Variants in EPB41L2 observed in about 807,000 individuals in gnomAD.
EPB41L2 encodes band 4.1-like protein 2.
Under a neutral mutation model 113.0 loss-of-function variants are expected in EPB41L2, and 43 were observed. The ratio of observed to expected loss-of-function variants is 0.38; its 90% CI spans 0.30 to 0.49. EPB41L2 has a LOEUF of 0.49. Among genes scored for constraint, EPB41L2 ranks in the 20% least tolerant of loss-of-function variants. EPB41L2 has a pLI of 0.95. For synonymous variants in EPB41L2, 442 were observed against 436.7 expected (o/e 1.01, Z -0.15); for missense variants, 1,147 against 1,223.4 (o/e 0.94, Z 0.93).
Position 130,926,715 on chromosome 6 carries a change from GA to G in EPB41L2, c.706-7del. On this transcript the variant is annotated splice_region_variant and splice_polypyrimidine_tract_variant and intron_variant, in intron 3 of 19. Transcript: ENST00000337057. ...ACTTGTCCCTTGGCATGTTTCTGGA[GA>G]AAAAATAATAACTTTACTTTTCAAG... 3 of 1,574,972 alleles carry G rather than the reference GA, an allele frequency of 1.9e-6. No individual in the cohort carries two copies. The highest frequency in any genetic ancestry group is 2.6e-6 in the Non-Finnish European group (3 of 1,161,980).
At chr6:130,855,114 C>T (rs915480529) in intron 19 of EPB41L2, among the ~76,000 whole-genome samples, 2 of 151,790 alleles carry the variant, frequency 1.3e-5, no homozygotes, top group Non-Finnish European at 2.9e-5. Context: ...TTTGGGAAGC[C>T]GAGGCAGGCA....
chr6:130,979,894 A>G (rs935605729), intron 1 of EPB41L2, among the ~76,000 whole-genome samples: 4 of 152,208 alleles, frequency 2.6e-5, no homozygotes, highest in Non-Finnish European at 5.9e-5. Context: ...CAGCCAATCA[A>G]TGGTATCAGA....
At chr6:131,047,904 G>A (rs187883092) in intron 1 of EPB41L2, among the ~76,000 whole-genome samples, 155 of 152,214 alleles carry the variant, frequency 1.0e-3, no homozygotes, top group African/African-American at 3.6e-3. Context: ...CACTTGGGAG[G>A]CCAAGGCAGG....
intron 9 of EPB41L2, 63 bp from the exon 10 acceptor site, chr6:130,894,504 A>G: frequency 7.0e-7 from 1 of 1,420,186 alleles, no homozygotes; most frequent in Non-Finnish European, 1.0e-6. Flanking sequence ...AGTTACTGAA[A>G]AGCATGCATT....
chr6:130,962,956 G>A (rs1773982675), intron 1 of EPB41L2, among the ~76,000 whole-genome samples: 1 of 152,182 alleles, frequency 6.6e-6, no homozygotes, highest in Non-Finnish European at 1.5e-5. Flanking sequence ...AGAGCCAGAG[G>A]AAGAGGAGGC....
rs1443934598 is a variant in EPB41L2 at position 130,992,241 on chromosome 6, AAG to A, written c.-14-35744_-14-35743del. ...TTATGAAAAGATTCTGTTAAATATT[AAG>A]CAAAATGGTTCAGTATGAAAAATTT... On this transcript the variant is annotated intron_variant, in intron 1 of 19. Transcript: ENST00000337057. Among the ~76,000 whole-genome samples, 4 of 152,268 alleles carry A rather than the reference AAG, an allele frequency of 2.6e-5. No homozygotes were observed. The East Asian group carries it at 7.7e-4, about 29-fold the overall frequency.
rs1797674362 is a variant in EPB41L2, at chr6:130,906,200, GTAA to G, written c.854-1663_854-1661del. Reference sequence around the variant, plus strand: ...TAATGGCTCCTTGTTTGTTTTCTAGGTAATAACACTAGAACATGCTTGCCTGGA... The same window carrying G: ...TAATGGCTCCTTGTTTGTTTTCTAGGTAACACTAGAACATGCTTGCCTGGA... On this transcript the variant is annotated intron_variant, in intron 5 of 19. Transcript: ENST00000337057. 2.0e-5 allele frequency among the ~76,000 whole-genome samples: 3 copies of G among 152,070 alleles called. No homozygotes were observed. The South Asian group carries it at 6.2e-4, about 31-fold the overall frequency.
chr6:130,985,129 C>T (rs554880012), intron 1 of EPB41L2, among the ~76,000 whole-genome samples: 3 of 152,306 alleles, frequency 2.0e-5, no homozygotes, highest in African/African-American at 4.8e-5. Flanking sequence ...CTGAATGAAA[C>T]GCACAACCCA....
At chr6:131,026,248 T>C (rs1288666196) in intron 1 of EPB41L2, among the ~76,000 whole-genome samples, 1 of 152,206 alleles carries the variant, frequency 6.6e-6, no homozygotes, top group South Asian at 2.1e-4. Context: ...TAACAAGGAA[T>C]TGCTCATAAG....
rs545565578 is a variant in EPB41L2 at position 130,930,106 on chromosome 6, G to A, written c.706-3397C>T. On this transcript the variant is annotated intron_variant, in intron 3 of 19. Transcript: ENST00000337057. The stretch of plus-strand genomic sequence containing the variant: ...ATTCTCCTTGTTGCATATGATTACT[G>A]AGCACCAAAACACCTATTTGTATAA... Among the ~76,000 whole-genome samples, 739 of 152,144 alleles carry A rather than the reference G, an allele frequency of 4.9e-3. 7 individuals are homozygous for A. Among genetic ancestry groups the A allele is most frequent in the Non-Finnish European group, 7.5e-3 (512 of 67,978 alleles).
rs1349030304 is a variant in EPB41L2, at chr6:130,840,295, T to C, written c.*309A>G. On this transcript the variant is annotated 3_prime_UTR_variant, in exon 20 of 20. Transcript: ENST00000337057. ...ATCAAAGTGAGTCATTAAAAGCAGG[T>C]AGTTGCACACAAAGTAAACAGAAAA... 6.6e-6 allele frequency: 1 copy of C among 152,538 alleles called. No individual in the cohort carries two copies. The highest frequency in any genetic ancestry group is 2.4e-5 in the African/African-American group (1 of 41,434). 9.4% of individuals were successfully genotyped at this position (152,538 alleles called of 1,614,324 possible).
chr6:131,012,336 C>T (rs762442236), intron 1 of EPB41L2, among the ~76,000 whole-genome samples: 3 of 150,186 alleles, frequency 2.0e-5, no homozygotes, highest in African/African-American at 4.9e-5. Context: ...TCTCAACCTC[C>T]GCACTACCAA....
chr6:130,846,867 TC>T (rs1316181619), intron 19 of EPB41L2, among the ~76,000 whole-genome samples: 1 of 152,224 alleles, frequency 6.6e-6, no homozygotes, highest in Non-Finnish European at 1.5e-5. Flanking sequence ...TTATAGATGT[TC>T]CTATGATATT....
intron 10 of EPB41L2, among the ~76,000 whole-genome samples, chr6:130,891,474 A>C (rs1345241063): frequency 1.4e-5 from 2 of 147,954 alleles, no homozygotes; most frequent in Non-Finnish European, 1.5e-5. Flanking sequence ...TTTGAGAAGG[A>C]GTCTCGCTCT....
At chr6:131,025,950 A>T (rs1380870887) in intron 1 of EPB41L2, among the ~76,000 whole-genome samples, 1 of 152,178 alleles carries the variant, frequency 6.6e-6, no homozygotes, top group Non-Finnish European at 1.5e-5. Context: ...GATCAAAGCA[A>T]AGCCGTTCAA....
intron 10 of EPB41L2, among the ~76,000 whole-genome samples, chr6:130,891,354 T>C (rs535888478): frequency 1.3e-5 from 2 of 152,272 alleles, no homozygotes; most frequent in South Asian, 2.1e-4. Flanking sequence ...AAAGAATCCC[T>C]GTACAACACT....
chr6:131,050,263 C>T (rs1384270450), intron 1 of EPB41L2, among the ~76,000 whole-genome samples: 4 of 152,006 alleles, frequency 2.6e-5, no homozygotes, highest in African/African-American at 9.7e-5. Context: ...CGCTTGAACC[C>T]GGGAGGCAGA....
chr6:130,972,278 T>C (rs1026752671), intron 1 of EPB41L2, among the ~76,000 whole-genome samples: 5 of 133,958 alleles, frequency 3.7e-5, no homozygotes, highest in Non-Finnish European at 6.1e-5. Flanking sequence ...AAGCCAAGAT[T>C]GCGCCATTGC....
rs1775064606 is a variant in EPB41L2, at chr6:130,840,269, G to T, written c.*335C>A. 1 of 152,538 alleles carries T rather than the reference G, an allele frequency of 6.6e-6. No homozygotes were observed. The highest frequency in any genetic ancestry group is 2.4e-5 in the African/African-American group (1 of 41,438). The allele number at this position is 152,538 out of a possible 1,614,324, so 9.4% of individuals were successfully genotyped here. A position where few individuals can be genotyped will look rare whatever the true frequency, so the allele number is the denominator to read the frequency against. On this transcript the variant is annotated 3_prime_UTR_variant, in exon 20 of 20. Coordinates refer to ENST00000337057, the MANE Select transcript of EPB41L2 (RefSeq NM_001431.4). ...GGGCTGGCTTTGTTCACTGTCATTT[G>T]ATCAAAGTGAGTCATTAAAAGCAGG...
Sources: allele counts gnomAD v4.1 joint callset (sites outside exome capture counted in the v4.1 genomes callset), GRCh38; gene constraint gnomAD v4.1.1; transcripts MANE v1.5; gene names NCBI Gene and HGNC (gene_info 2026-07-23, HGNC 2026-07-21).